Variants in TWSG1 observed in about 807,000 individuals in gnomAD.
TWSG1 encodes twisted gastrulation protein homolog 1.
A neutral mutation model predicts 23.0 loss-of-function variants in TWSG1; 15 were observed. That is an observed-to-expected ratio of 0.65 (90% CI 0.44 to 1.00). TWSG1 has a LOEUF of 1.00. TWSG1 is among the 50% of genes least tolerant of loss of function. The pLI, the probability that TWSG1 is intolerant of heterozygous loss-of-function variation, is 0.00. For missense variants in TWSG1, 242 were observed against 278.7 expected, an observed-to-expected ratio of 0.87 and a Z score of 0.94; for synonymous variants, 86 against 92.8, an observed-to-expected ratio of 0.93 and a Z score of 0.42.
In TWSG1 at chr18:9,367,565, G is replaced by T. The variant is rs74328760; in HGVS notation, c.223+7494G>T. On this transcript the variant is annotated intron_variant, in intron 3 of 4. Transcript: ENST00000262120. ...GCAGTCCGCCGCCTCTTAGGAACCG[G>T]GCCACATAGAAGGAGGTGAACACCA... 1.4e-3 allele frequency among the ~76,000 whole-genome samples: 212 copies of T among 152,222 alleles called. 1 individual carries two copies. The highest frequency in any genetic ancestry group is 5.0e-3 in the African/African-American group (207 of 41,538).
intron 2 of TWSG1, among the ~76,000 whole-genome samples, chr18:9,357,496 A>G (rs1245101045): frequency 6.6e-6 from 1 of 152,222 alleles, no homozygotes; most frequent in African/African-American, 2.4e-5. Flanking sequence ...TAGAAATATA[A>G]TAAGATGAAT....
intron 2 of TWSG1, among the ~76,000 whole-genome samples, chr18:9,355,701 A>G (rs972893186): frequency 2.0e-5 from 3 of 152,186 alleles, no homozygotes; most frequent in African/African-American, 4.8e-5. Context: ...TTTAAATGCC[A>G]TCTATTAAAT....
chr18:9,366,783 A>G (rs1447594177), intron 3 of TWSG1, among the ~76,000 whole-genome samples: 1 of 152,114 alleles, frequency 6.6e-6, no homozygotes, highest in Non-Finnish European at 1.5e-5. Flanking sequence ...TACATTATTT[A>G]TTATTATTAA....
rs191300744 is a variant in TWSG1 at position 9,394,219 on chromosome 18, C to A, written c.224-2061C>A. 2.3e-3 allele frequency among the ~76,000 whole-genome samples: 346 copies of A among 152,222 alleles called. 2 individuals carry two copies. The highest frequency in any genetic ancestry group is 8.0e-3 in the African/African-American group (332 of 41,536). ...TTATACTCAATGGAATGCTATTCAT[C>A]CACAAAAAAGCATGAAATTCTGTCA... is the stretch of plus-strand genomic sequence containing the variant. On this transcript the variant is annotated intron_variant, in intron 3 of 4. Transcript: ENST00000262120.
intron 2 of TWSG1, among the ~76,000 whole-genome samples, chr18:9,350,354 C>A (rs2145598834): frequency 6.6e-6 from 1 of 152,272 alleles, no homozygotes; most frequent in East Asian, 1.9e-4. Context: ...CTAGTTGTTT[C>A]ACCTGTTGCA....
chr18:9,379,824 A>C (rs1335212111), intron 3 of TWSG1, among the ~76,000 whole-genome samples: 2 of 152,210 alleles, frequency 1.3e-5, no homozygotes, highest in African/African-American at 2.4e-5. Context: ...AAGTGCGTTG[A>C]ATCTATAGAT....
intron 3 of TWSG1, 22 bp downstream of exon 3, chr18:9,360,093 C>T (rs1169699580): frequency 6.3e-7 from 1 of 1,577,888 alleles, no homozygotes; most frequent in Admixed American, 1.7e-5. Flanking sequence ...CCAAGGGAGA[C>T]TTCTTAATAT....
At position 9,365,123 on chromosome 18, in the gene TWSG1, C is replaced by T. The variant is rs113823341; in HGVS notation, c.223+5052C>T. On this transcript the variant is annotated intron_variant, in intron 3 of 4. Coordinates refer to ENST00000262120, the MANE Select transcript of TWSG1 (RefSeq NM_020648.6). ...ATCACTTGAGCCCAGGAGTTCAAGA[C>T]CAGCCTAGGCAACATAAGGAGACCC... 7.5e-3 allele frequency among the ~76,000 whole-genome samples: 1,137 copies of T among 151,982 alleles called. 15 individuals are homozygous for T. The highest frequency in any genetic ancestry group is 0.026 in the African/African-American group (1,077 of 41,436).
chr18:9,384,568 GATAA>G (rs986764167), intron 3 of TWSG1, among the ~76,000 whole-genome samples: 1 of 151,182 alleles, frequency 6.6e-6, no homozygotes, highest in Non-Finnish European at 1.5e-5. Flanking sequence ...TAAAAACAAA[GATAA>G]ATAAAAGGAA....
At chr18:9,359,917 C>T in intron 2 of TWSG1, 55 bp from the exon 3 acceptor site, 1 of 1,409,312 alleles carries the variant, frequency 7.1e-7, no homozygotes, top group African/African-American at 1.4e-5. Context: ...TAAAAAGTAG[C>T]AGTTTTATAT....
intron 3 of TWSG1, 75 bp from the exon 4 acceptor site, chr18:9,396,205 C>G: frequency 1.3e-6 from 1 of 786,582 alleles, no homozygotes; most frequent in South Asian, 1.9e-5. Context: ...CTAGAAGTTA[C>G]ATAATTTTAA....
chr18:9,351,443 GA>G (rs758739932), intron 2 of TWSG1, among the ~76,000 whole-genome samples: 17 of 151,468 alleles, frequency 1.1e-4, no homozygotes, highest in South Asian at 1.0e-3. Context: ...ATGTTTCTTT[GA>G]AAAAAATTAT....
intron 2 of TWSG1, among the ~76,000 whole-genome samples, chr18:9,350,400 C>T (rs1239231240): frequency 3.3e-5 from 5 of 152,156 alleles, no homozygotes; most frequent in South Asian, 2.1e-4. Flanking sequence ...CTGGGACACA[C>T]GGACATTTTC....
chr18:9,347,156 A>G (rs1045087896), intron 2 of TWSG1, among the ~76,000 whole-genome samples: 14 of 152,206 alleles, frequency 9.2e-5, no homozygotes, highest in Admixed American at 2.0e-4. Context: ...TCTCTGGCCC[A>G]TTTTTTAATT....
chr18:9,371,056 T>G (rs987084454), intron 3 of TWSG1, among the ~76,000 whole-genome samples: 2 of 152,056 alleles, frequency 1.3e-5, no homozygotes, highest in African/African-American at 4.8e-5. Context: ...AAAACCCTTT[T>G]GTGTGATACC....
chr18:9,377,465 C>T (rs1012981981), intron 3 of TWSG1, among the ~76,000 whole-genome samples: 4 of 151,930 alleles, frequency 2.6e-5, no homozygotes, highest in Admixed American at 1.3e-4. Context: ...GTGATCTGCC[C>T]GCCTTGGCCT....
intron 3 of TWSG1, among the ~76,000 whole-genome samples, chr18:9,384,688 C>T (rs1598833252): frequency 6.6e-6 from 1 of 151,440 alleles, no homozygotes. Flanking sequence ...CTCTGTCGCC[C>T]GGGCTGGAGT....
intron 3 of TWSG1, among the ~76,000 whole-genome samples, chr18:9,394,690 A>C (rs979748784): frequency 6.6e-6 from 1 of 151,706 alleles, no homozygotes; most frequent in Non-Finnish European, 1.5e-5. Context: ...TTATTATGTC[A>C]ATTTACAAAA....
chr18:9,336,400 A>G (rs1357201444), intron 1 of TWSG1, among the ~76,000 whole-genome samples: 1 of 152,084 alleles, frequency 6.6e-6, no homozygotes, highest in Non-Finnish European at 1.5e-5. Flanking sequence ...TAAAAGAAAA[A>G]AAAAAAAAAG....
Sources: gnomAD v4.1 joint callset for allele counts (sites outside exome capture counted in the v4.1 genomes callset) on GRCh38, gnomAD v4.1.1 for gene constraint, MANE v1.5 for transcripts, NCBI Gene and HGNC (gene_info 2026-07-23, HGNC 2026-07-21) for gene names.